Variants in NAXD observed in about 807,000 individuals in gnomAD.
NAXD encodes ATP-dependent (S)-NAD(P)H-hydrate dehydratase.
NAXD carries 22 observed loss-of-function variants against 35.8 expected under a neutral mutation model. The observed-to-expected ratio is 0.62, with a 90% CI of 0.44 to 0.88. The LOEUF (loss-of-function observed/expected upper bound fraction) is 0.88. Ranked by LOEUF, NAXD falls within the 40% of genes least tolerant of loss-of-function variation. The pLI is 0.00. For missense variants in NAXD, 428 were observed against 437.7 expected (o/e 0.98, Z 0.20); for synonymous variants, 189 against 177.6 (o/e 1.06, Z -0.51).
chr13:110,632,512 G>T (rs1886744041), intron 5 of NAXD, among the ~76,000 whole-genome samples: 1 of 152,154 alleles, frequency 6.6e-6, no homozygotes. Context: ...TTTTGTCAGG[G>T]CACTGATTGG....
At chr13:110,616,751 A>G (rs1886073999) in intron 1 of NAXD, among the ~76,000 whole-genome samples, 1 of 152,206 alleles carries the variant, frequency 6.6e-6, no homozygotes, top group Non-Finnish European at 1.5e-5. Context: ...CTTGGTATAG[A>G]AGATAAATAG....
intron 8 of NAXD, among the ~76,000 whole-genome samples, chr13:110,636,187 C>T (rs973308050): frequency 5.9e-5 from 9 of 152,182 alleles, no homozygotes; most frequent in Admixed American, 1.3e-4. Context: ...CCCTTGTTAG[C>T]GCTGAAAATG....
At chr13:110,618,112 A>G (rs978576582) in intron 1 of NAXD, among the ~76,000 whole-genome samples, 2 of 152,212 alleles carry the variant, frequency 1.3e-5, no homozygotes, top group African/African-American at 2.4e-5. Flanking sequence ...CCCCACATGT[A>G]ATAATAGTTA....
chr13:110,626,700 G>C (rs1886497725), intron 4 of NAXD, among the ~76,000 whole-genome samples: 1 of 152,200 alleles, frequency 6.6e-6, no homozygotes, highest in South Asian at 2.1e-4. Context: ...CTCTGGGTCA[G>C]TTGGAGATGA....
intron 8 of NAXD, among the ~76,000 whole-genome samples, chr13:110,636,803 G>A (rs1289260100): frequency 6.6e-6 from 1 of 152,240 alleles, no homozygotes; most frequent in Non-Finnish European, 1.5e-5. Flanking sequence ...CTGGAGGCTG[G>A]CGCCGCCCTG....
At chr13:110,625,143 C>A in intron 3 of NAXD, 47 bp from the exon 4 acceptor site, 2 of 1,427,922 alleles carry the variant, frequency 1.4e-6, no homozygotes, top group Non-Finnish European at 2.0e-6. Context: ...GGGTGGGCAG[C>A]GATGCCGGAG....
intron 3 of NAXD, 133 bp downstream of exon 3, chr13:110,624,412 C>T (rs900749521): frequency 9.4e-6 from 6 of 637,964 alleles, no homozygotes; most frequent in Admixed American, 2.6e-5. Flanking sequence ...ATAGAAACAC[C>T]GTTAAGTCTA....
intron 1 of NAXD, among the ~76,000 whole-genome samples, chr13:110,616,777 GA>G (rs1886075079): frequency 6.6e-6 from 1 of 152,220 alleles, no homozygotes; most frequent in South Asian, 2.1e-4. Flanking sequence ...CAGAGAAAGT[GA>G]CTTAGCCAGG....
At chr13:110,632,256 G>T (rs1886723292) in intron 5 of NAXD, among the ~76,000 whole-genome samples, 1 of 151,898 alleles carries the variant, frequency 6.6e-6, no homozygotes, top group Non-Finnish European at 1.5e-5. Context: ...CTCCCGGTGG[G>T]CTCGTGGTCT....
chr13:110,616,640 T>C (rs1470331467), intron 1 of NAXD, among the ~76,000 whole-genome samples: 1 of 152,250 alleles, frequency 6.6e-6, no homozygotes, highest in Non-Finnish European at 1.5e-5. Context: ...TTTTTTTGTC[T>C]TTCTGTTTGC....
rs1210335008 is a variant in NAXD at position 110,624,270 on chromosome 13, T to C, written c.234T>C (p.Ala78=). 6.2e-7 allele frequency: 1 copy of C among 1,605,164 alleles called. No individual in the cohort carries two copies. Among genetic ancestry groups the C allele is most frequent in the Non-Finnish European group, 8.5e-7 (1 of 1,172,592 alleles). The change falls in exon 3 of 10, where the codon GCT becomes GCC. Residue 78 remains alanine, a synonymous_variant. Coordinates refer to ENST00000680254, the MANE Select transcript of NAXD (RefSeq NM_001242882.2). ...TGAPYFAAIS[A]LKVGADLSHV... ...CCCCATATTTTGCAGCAATCTCAGC[T>C]CTCAAAGTGGTATGTTTACTTAAAA...
chr13:110,624,875 A>G (rs1407126187), intron 3 of NAXD, among the ~76,000 whole-genome samples: 2 of 152,222 alleles, frequency 1.3e-5, no homozygotes, highest in Non-Finnish European at 2.9e-5. Context: ...GCAGTTTCCC[A>G]TGAGCTGAGC....
At position 110,628,368 on chromosome 13, in the gene NAXD, G is replaced by T. The variant is rs1437909016; in HGVS notation, c.441+821G>T. Among the ~76,000 whole-genome samples, 1 of 152,204 alleles carries T rather than the reference G, an allele frequency of 6.6e-6. No homozygotes were observed. Among genetic ancestry groups the T allele is most frequent in the Non-Finnish European group, 1.5e-5 (1 of 68,042 alleles). On this transcript the variant is annotated intron_variant, in intron 5 of 9. Coordinates refer to ENST00000680254, the MANE Select transcript of NAXD (RefSeq NM_001242882.2). This position sits in a 1 kb window ranked among gnomAD's most constrained non-coding sequence, Gnocchi z 4.1. ...AGGGTGCTCACATGTGCAAGGCGTGGTGACTGCATGGGGATCAGAGGCCGG... is the reference window on the plus strand; with the variant it reads ...AGGGTGCTCACATGTGCAAGGCGTGTTGACTGCATGGGGATCAGAGGCCGG...
Position 110,626,129 on chromosome 13 carries a change from C to T in NAXD, c.332+851C>T, listed in dbSNP as rs907164496. The stretch of plus-strand genomic sequence containing the variant: ...TGGGGCTGCTGTCAGGGCTGTGGCT[C>T]TGGCCCTGAGTAAGCAGGGCAGGGC... On this transcript the variant is annotated intron_variant, in intron 4 of 9. Coordinates refer to ENST00000680254, the MANE Select transcript of NAXD (RefSeq NM_001242882.2). 3.9e-5 allele frequency among the ~76,000 whole-genome samples: 6 copies of T among 152,060 alleles called. No homozygotes were observed. In the East Asian group the frequency reaches 7.8e-4, roughly 20 times the overall value.
chr13:110,635,027 C>T (rs1361465863), intron 7 of NAXD, among the ~76,000 whole-genome samples: 5 of 144,120 alleles, frequency 3.5e-5, no homozygotes, highest in African/African-American at 1.4e-4. Flanking sequence ...GGACAGGTCA[C>T]TTTGTCTGTG....
intron 2 of NAXD, among the ~76,000 whole-genome samples, chr13:110,622,765 T>C (rs1218776914): frequency 6.6e-6 from 1 of 152,256 alleles, no homozygotes; most frequent in Non-Finnish European, 1.5e-5. Context: ...GACAAATCCC[T>C]AGCTTGCTTC....
intron 5 of NAXD, among the ~76,000 whole-genome samples, chr13:110,629,791 A>T (rs1465669903): frequency 6.6e-6 from 1 of 152,110 alleles, no homozygotes; most frequent in Non-Finnish European, 1.5e-5. Flanking sequence ...TCACATTTTG[A>T]GGCCCTGCCA....
intron 7 of NAXD, 56 bp downstream of exon 7, chr13:110,634,832 G>A: frequency 7.6e-7 from 1 of 1,319,184 alleles, no homozygotes. Context: ...CCTGAAGAGG[G>A]TGAAGGACGA....
In NAXD at chr13:110,637,149, G is replaced by A. The variant is rs901477753; in HGVS notation, c.739G>A (p.Gly247Ser). 3 of 1,613,584 alleles carry A rather than the reference G, an allele frequency of 1.9e-6. No individual in the cohort carries two copies. Among genetic ancestry groups the A allele is most frequent in the African/African-American group, 2.7e-5 (2 of 74,942 alleles). ...GQQVLVCSQE[G>S]SSRRCGGQGD... ...TGCAGTGCTTGTGTGCAGCCAGGAA[G>A]GCAGCAGCCGCAGGTGTGGAGGGCA... The change falls in exon 9 of 10, where the codon GGC (glycine) becomes AGC (serine). Residue 247 changes from glycine to serine, a missense_variant. This residue lies in a region of NAXD where 209 missense variants were observed against 214.6 expected (regional missense o/e 0.97). Transcript: ENST00000680254.
Sources: gnomAD v4.1 joint callset for allele counts (sites outside exome capture counted in the v4.1 genomes callset) on GRCh38, gnomAD v4.1.1 for gene constraint, gnomAD v4.1.1 regional missense constraint, Gnocchi (gnomAD v3.1) non-coding constraint, MANE v1.5 for transcripts, NCBI Gene and HGNC (gene_info 2026-07-23, HGNC 2026-07-21) for gene names.